The following DMD variants were observed in gnomAD, a reference collection of about 807,000 sequenced individuals.
DMD encodes mutant dystrophin.
In DMD, 63 loss-of-function variants were observed where a neutral mutation model predicts 330.1. That is an observed-to-expected ratio of 0.19 (90% confidence interval 0.16 to 0.24). DMD has a LOEUF of 0.24. Ranked by LOEUF, DMD falls within the 10% of genes least tolerant of loss-of-function variation. The pLI, the probability that DMD is intolerant of heterozygous loss-of-function variation, is 1.00. For missense variants in DMD, 3,344 were observed against 2,684.1 expected (o/e 1.25, Z -5.43); for synonymous variants, 1,223 against 959.8 (o/e 1.27, Z -5.07).
intron 61 of DMD, among the ~76,000 whole-genome samples, chrX:31,324,242 C>G (rs1478250264): frequency 9.0e-6 from 1 of 110,996 alleles, no homozygotes; most frequent in African/African-American, 3.3e-5. Flanking sequence ...GAAAAGGTGA[C>G]CAAAAGTGAG....
At chrX:32,253,191 TAAG>T (rs968220705) in intron 43 of DMD, among the ~76,000 whole-genome samples, 4 of 107,951 alleles carry the variant, frequency 3.7e-5, no homozygotes, top group Non-Finnish European at 7.6e-5. Context: ...TAGATGAAGA[TAAG>T]AAGATAAGTA....
At chrX:32,992,820 C>T (rs749035348) in intron 2 of DMD, among the ~76,000 whole-genome samples, 8 of 104,407 alleles carry the variant, frequency 7.7e-5, no homozygotes, top group East Asian at 6.1e-4. Context: ...GAAGGACAAT[C>T]GCTTGAACCC....
intron 2 of DMD, among the ~76,000 whole-genome samples, chrX:33,016,417 G>A (rs2093803652): frequency 9.0e-6 from 1 of 111,162 alleles, no homozygotes; most frequent in African/African-American, 3.3e-5. Flanking sequence ...GAGTTGGTCT[G>A]GGGATAATTT....
chrX:31,311,664 G>GT (rs202007017), intron 62 of DMD, among the ~76,000 whole-genome samples: 1,333 of 107,869 alleles, frequency 0.012, 21 homozygotes, highest in African/African-American at 0.039. Flanking sequence ...ATTTAAAACA[G>GT]TTTTTTTTTT....
At chrX:32,480,937 T>C (rs1373969777) in intron 21 of DMD, among the ~76,000 whole-genome samples, 1 of 110,833 alleles carries the variant, frequency 9.0e-6, no homozygotes, top group Non-Finnish European at 1.9e-5. Flanking sequence ...GAACAAAACA[T>C]TCCTTTGCCT....
At chrX:32,536,719 C>T (rs986323914) in intron 17 of DMD, among the ~76,000 whole-genome samples, 2 of 111,528 alleles carry the variant, frequency 1.8e-5, no homozygotes, top group East Asian at 2.8e-4. Context: ...TGGACTGGTA[C>T]TAAAAAGTTT....
chrX:31,989,299 C>A (rs755888436), intron 44 of DMD, among the ~76,000 whole-genome samples: 2 of 112,115 alleles, frequency 1.8e-5, no homozygotes, highest in South Asian at 7.5e-4. Flanking sequence ...ATGAAATTAA[C>A]CATCACAGAA....
intron 2 of DMD, among the ~76,000 whole-genome samples, chrX:32,983,274 CCAAATTCAT>C (rs746510577): frequency 2.7e-5 from 3 of 111,460 alleles, no homozygotes; most frequent in Non-Finnish European, 5.7e-5. Flanking sequence ...TCATTGCTTT[CCAAATTCAT>C]CAAATTCATC....
intron 2 of DMD, among the ~76,000 whole-genome samples, chrX:32,936,180 C>CA (rs1259724965): frequency 9.2e-6 from 1 of 109,247 alleles, no homozygotes; most frequent in Non-Finnish European, 1.9e-5. Flanking sequence ...GGCGCCATCT[C>CA]AGCTCACCAC....
chrX:32,017,377 T>G (rs1324411887), intron 44 of DMD, among the ~76,000 whole-genome samples: 1 of 112,109 alleles, frequency 8.9e-6, no homozygotes, highest in Non-Finnish European at 1.9e-5. Flanking sequence ...TGTTTTACAA[T>G]GTATTTCAGG....
chrX:32,867,977 C>G (rs2082646592), intron 2 of DMD, among the ~76,000 whole-genome samples: 1 of 109,870 alleles, frequency 9.1e-6, no homozygotes, highest in Non-Finnish European at 1.9e-5. Context: ...GTCAGAGGCT[C>G]CCACTGAGAA....
intron 2 of DMD, among the ~76,000 whole-genome samples, chrX:32,903,247 G>C (rs1320332657): frequency 9.4e-6 from 1 of 106,185 alleles, no homozygotes; most frequent in Non-Finnish European, 1.9e-5. Flanking sequence ...ATTTAGAGGG[G>C]AAGACTGGTA....
At chrX:32,899,318 G>A (rs1324672006) in intron 2 of DMD, among the ~76,000 whole-genome samples, 1 of 111,425 alleles carries the variant, frequency 9.0e-6, no homozygotes, top group Non-Finnish European at 1.9e-5. Context: ...TTTTATTTCA[G>A]TTCAGTTTGT....
chrX:33,196,439 A>G (rs1163265638), intron 1 of DMD, among the ~76,000 whole-genome samples: 1 of 111,258 alleles, frequency 9.0e-6, no homozygotes, highest in African/African-American at 3.3e-5. Flanking sequence ...TATTTGTTTT[A>G]GAAACTCAAC....
chrX:33,227,216 A>C (rs766841001), intron 1 of DMD, among the ~76,000 whole-genome samples: 2 of 111,440 alleles, frequency 1.8e-5, no homozygotes, highest in South Asian at 7.4e-4. Flanking sequence ...TAAAGAAAAC[A>C]ATATAAATCT....
chrX:32,527,901 G>A (rs183017968), intron 17 of DMD, among the ~76,000 whole-genome samples: 39 of 111,845 alleles, frequency 3.5e-4, no homozygotes, highest in Admixed American at 1.3e-3. Context: ...TCTGTGGAAG[G>A]GGGGAAGATA....
intron 47 of DMD, among the ~76,000 whole-genome samples, chrX:31,885,749 T>C (rs186496405): frequency 4.5e-5 from 5 of 110,310 alleles, no homozygotes; most frequent in Admixed American, 2.9e-4. Context: ...TAAAGCAATA[T>C]ACATTGAGAA....
intron 7 of DMD, among the ~76,000 whole-genome samples, chrX:32,742,086 G>A (rs1603337427): frequency 9.0e-6 from 1 of 111,222 alleles, no homozygotes; most frequent in Middle Eastern, 4.7e-3. Flanking sequence ...CTTGACTATG[G>A]TGCCGTACAC....
Position 31,422,699 on chromosome X carries a change from T to C in DMD, c.9084+21782A>G, listed in dbSNP as rs948343011. Among the ~76,000 whole-genome samples, 13 of 112,249 alleles carry C rather than the reference T, an allele frequency of 1.2e-4. No individual in the cohort carries two copies. The East Asian group carries it at 1.7e-3, about 14-fold the overall frequency. ...CAGAAATAAAGTGATGGGGATAATA[T>C]GCATACCTATACTACCACACTTTTC... On this transcript the variant is annotated intron_variant, in intron 60 of 78. Coordinates refer to ENST00000357033, the MANE Select transcript of DMD (RefSeq NM_004006.3).
Sources: gnomAD v4.1 joint callset for allele counts (sites outside exome capture counted in the v4.1 genomes callset) on GRCh38, gnomAD v4.1.1 for gene constraint, MANE v1.5 for transcripts, NCBI Gene and HGNC (gene_info 2026-07-23, HGNC 2026-07-21) for gene names.